Variants in LMO3 observed in about 807,000 individuals in gnomAD.
The protein encoded by LMO3 is LIM domain only 3.
Under a neutral mutation model 15.8 loss-of-function variants are expected in LMO3, and 2 were observed. The ratio of observed to expected loss-of-function variants is 0.13; its 90% CI spans 0.05 to 0.40. The LOEUF (loss-of-function observed/expected upper bound fraction) is 0.40. Among genes scored for constraint, LMO3 ranks in the 10% least tolerant of loss-of-function variants. The pLI, the probability that LMO3 is intolerant of heterozygous loss-of-function variation, is 0.99. For synonymous variants in LMO3, 62 were observed against 63.8 expected, an observed-to-expected ratio of 0.97 and a Z score of 0.13; for missense variants, 86 against 182.2, an observed-to-expected ratio of 0.47 and a Z score of 3.04.
intron 3 of LMO3, among the ~76,000 whole-genome samples, chr12:16,552,933 T>TC (rs762148544): frequency 7.0e-6 from 1 of 143,166 alleles, no homozygotes; most frequent in Non-Finnish European, 1.6e-5. Flanking sequence ...ACCAGTAGGG[T>TC]CCAAACTCTA....
intron 1 of LMO3, chr12:16,605,598 G>T: frequency 1.5e-6 from 1 of 689,340 alleles, no homozygotes; most frequent in Non-Finnish European, 2.4e-6. Context: ...ATTCCAGCAA[G>T]TAAGGGGGAG....
In LMO3 at chr12:16,604,727, G is replaced by T; in HGVS notation, c.-9+1339C>A. 1.1e-6 allele frequency: 1 copy of T among 926,190 alleles called. No individual in the cohort carries two copies. The highest frequency in any genetic ancestry group is 1.7e-6 in the Non-Finnish European group (1 of 595,316). The allele number at this position is 926,190 out of a possible 1,614,324, so 57.4% of individuals were successfully genotyped here. A position where few individuals can be genotyped will look rare whatever the true frequency, so the allele number is the denominator to read the frequency against. On this transcript the variant is annotated intron_variant, in intron 1 of 3. Coordinates refer to ENST00000537304, the MANE Select transcript of LMO3 (RefSeq NM_018640.5). The surrounding 1 kb of genome is among the most constrained non-coding windows in gnomAD (Gnocchi z 5.3). ...GCAAGATTAATTGGTTTAAGCAGCAGTCTTTCAAAGCAGTTACAACAATAA... is the reference window on the plus strand; with the variant it reads ...GCAAGATTAATTGGTTTAAGCAGCATTCTTTCAAAGCAGTTACAACAATAA...
intron 2 of LMO3, among the ~76,000 whole-genome samples, chr12:16,581,615 T>C (rs1393277556): frequency 6.6e-6 from 1 of 152,186 alleles, no homozygotes; most frequent in African/African-American, 2.4e-5. Flanking sequence ...TTCACAATGT[T>C]AAAACAAACA....
intron 2 of LMO3, among the ~76,000 whole-genome samples, chr12:16,566,041 A>AT (rs1942599289): frequency 1.1e-5 from 1 of 90,766 alleles, no homozygotes; most frequent in African/African-American, 4.0e-5. Flanking sequence ...TATATATATA[A>AT]AATGGAGTAC....
chr12:16,607,668 T>C (rs1464286696), upstream of LMO3: 2 of 151,998 alleles, frequency 1.3e-5, no homozygotes, highest in Admixed American at 6.6e-5. Context: ...CACTGAAATG[T>C]TTAAGAGCCA....
chr12:16,565,419 T>G (rs542179139), intron 2 of LMO3, among the ~76,000 whole-genome samples: 105 of 152,320 alleles, frequency 6.9e-4, no homozygotes, highest in Non-Finnish European at 1.3e-3. Flanking sequence ...AAACATTCAA[T>G]TCTTTTGTTT....
At chr12:16,592,211 T>C (rs1943516790) in intron 2 of LMO3, among the ~76,000 whole-genome samples, 1 of 152,034 alleles carries the variant, frequency 6.6e-6, no homozygotes, top group Non-Finnish European at 1.5e-5. Flanking sequence ...ACTAAATGGT[T>C]TCATTGTAGA....
chr12:16,590,683 G>A (rs754336364), intron 2 of LMO3, among the ~76,000 whole-genome samples: 1 of 151,904 alleles, frequency 6.6e-6, no homozygotes, highest in Non-Finnish European at 1.5e-5. Flanking sequence ...TAAATGCTGT[G>A]TTGGCAGTCC....
At chr12:16,568,963 CT>C (rs1369646347) in intron 2 of LMO3, among the ~76,000 whole-genome samples, 5 of 152,074 alleles carry the variant, frequency 3.3e-5, no homozygotes, top group African/African-American at 1.2e-4. Flanking sequence ...TAACTTGAAA[CT>C]TAAAAATATG....
chr12:16,580,246 G>A (rs1245459495), intron 2 of LMO3, among the ~76,000 whole-genome samples: 1 of 152,144 alleles, frequency 6.6e-6, no homozygotes, highest in Admixed American at 6.5e-5. Context: ...GACTACAGGT[G>A]CATGCCACTG....
chr12:16,604,177 T>C lies in LMO3; in HGVS notation c.-9+1889A>G, dbSNP rs556198489. Reference sequence around the variant, plus strand: ...TCCTCTTCCCAGCCCCCAACCCAGGTTGGAAAACTGGATTGGGCCTAAAAG... The same window carrying C: ...TCCTCTTCCCAGCCCCCAACCCAGGCTGGAAAACTGGATTGGGCCTAAAAG... On this transcript the variant is annotated intron_variant, in intron 1 of 3. Coordinates refer to ENST00000537304, the MANE Select transcript of LMO3 (RefSeq NM_018640.5). The surrounding 1 kb of genome is among the most constrained non-coding windows in gnomAD (Gnocchi z 5.3). Among the ~76,000 whole-genome samples, 1 of 152,200 alleles carries C rather than the reference T, an allele frequency of 6.6e-6. No homozygotes were observed. Among genetic ancestry groups the C allele is most frequent in the East Asian group, 1.9e-4 (1 of 5,170 alleles).
At chr12:16,594,107 TG>T (rs1207895141) in intron 2 of LMO3, 22 of 1,529,366 alleles carry the variant, frequency 1.4e-5, no homozygotes, top group Middle Eastern at 1.7e-4. Context: ...TGGCGTCAGG[TG>T]TTTGAATTTT....
chr12:16,559,981 A>C lies in LMO3; in HGVS notation c.332+432T>G, dbSNP rs929427742. Among the ~76,000 whole-genome samples, 1 of 151,954 alleles carries C rather than the reference A, an allele frequency of 6.6e-6. No individual in the cohort carries two copies. Among genetic ancestry groups the C allele is most frequent in the African/African-American group, 2.4e-5 (1 of 41,380 alleles). On this transcript the variant is annotated intron_variant, in intron 3 of 3. Transcript: ENST00000537304. The surrounding 1 kb of genome is among the most constrained non-coding windows in gnomAD (Gnocchi z 4.1). ...TATTTAAAAAAGCAAAAACAAAAACATGAGGGATAAGGAATTTAAAATATA... is the reference window on the plus strand; with the variant it reads ...TATTTAAAAAAGCAAAAACAAAAACCTGAGGGATAAGGAATTTAAAATATA...
chr12:16,599,691 T>C lies in LMO3; in HGVS notation c.206+964A>G, dbSNP rs1249925378. ...ATAGATCCTACTTTATTAATATAAG[T>C]AATTTGCAGCTGAAGTAAGTCACAA... On this transcript the variant is annotated intron_variant, in intron 2 of 3. Coordinates refer to ENST00000537304, the MANE Select transcript of LMO3 (RefSeq NM_018640.5). The surrounding 1 kb of genome is among the most constrained non-coding windows in gnomAD (Gnocchi z 4.1). 1 of 152,226 alleles carries C rather than the reference T, an allele frequency of 6.6e-6. No individual in the cohort carries two copies. Among genetic ancestry groups the C allele is most frequent in the African/African-American group, 2.4e-5 (1 of 41,466 alleles). The allele number at this position is 152,226 out of a possible 1,614,324, so 9.4% of individuals were successfully genotyped here. A position where few individuals can be genotyped will look rare whatever the true frequency, so the allele number is the denominator to read the frequency against.
intron 2 of LMO3, among the ~76,000 whole-genome samples, chr12:16,572,056 T>A (rs1016670221): frequency 6.6e-6 from 1 of 151,942 alleles, no homozygotes; most frequent in African/African-American, 2.4e-5. Context: ...CTTTTTGGAA[T>A]AAGAAATTAA....
intron 2 of LMO3, among the ~76,000 whole-genome samples, chr12:16,580,985 G>A (rs1009157497): frequency 1.2e-4 from 19 of 152,122 alleles, no homozygotes; most frequent in African/African-American, 4.6e-4. Context: ...TATGTTTGTT[G>A]TGCTATTTTA....
rs1214415747 is a variant in LMO3 at position 16,560,907 on chromosome 12, AGTTGGGAAAGG to A, written c.207-380_207-370del. 8 of 186,202 alleles carry A rather than the reference AGTTGGGAAAGG, an allele frequency of 4.3e-5. No individual in the cohort carries two copies. The East Asian group carries it at 1.1e-3, about 26-fold the overall frequency. 11.5% of individuals were successfully genotyped at this position (186,202 alleles called of 1,614,324 possible). A position where few individuals can be genotyped will look rare whatever the true frequency, so the allele number is the denominator to read the frequency against. Reference sequence around the variant, plus strand: ...CTTAATGTTATATATTAAACATTTTAGTTGGGAAAGGAACCAACTAATGAATGATTCACTAC... The same window carrying A: ...CTTAATGTTATATATTAAACATTTTAAACCAACTAATGAATGATTCACTAC... On this transcript the variant is annotated intron_variant, in intron 2 of 3. Transcript: ENST00000537304. This position sits in a 1 kb window ranked among gnomAD's most constrained non-coding sequence, Gnocchi z 5.0.
At position 16,586,026 on chromosome 12, in the gene LMO3, T is replaced by C. The variant is rs557027207; in HGVS notation, c.206+14629A>G. 6.6e-6 allele frequency among the ~76,000 whole-genome samples: 1 copy of C among 152,242 alleles called. No individual in the cohort carries two copies. The highest frequency in any genetic ancestry group is 1.9e-4 in the East Asian group (1 of 5,182). ...CTTAGGACACTGATGTTTTTGCAGC[T>C]GTTAATGAAAATCTTCAACACAGGA... On this transcript the variant is annotated intron_variant, in intron 2 of 3. Transcript: ENST00000537304. This position sits in a 1 kb window ranked among gnomAD's most constrained non-coding sequence, Gnocchi z 4.3.
At chr12:16,575,461 A>T (rs1486629347) in intron 2 of LMO3, among the ~76,000 whole-genome samples, 1 of 152,216 alleles carries the variant, frequency 6.6e-6, no homozygotes, top group African/African-American at 2.4e-5. Context: ...AAATTTGGTC[A>T]ATTATGTAAG....
Sources: allele counts gnomAD v4.1 joint callset (sites outside exome capture counted in the v4.1 genomes callset), GRCh38; gene constraint gnomAD v4.1.1; non-coding constraint Gnocchi (gnomAD v3.1); transcripts MANE v1.5; gene names NCBI Gene and HGNC (gene_info 2026-07-23, HGNC 2026-07-21).